Variants in GRM1 observed in about 807,000 individuals in gnomAD.
GRM1 encodes the protein glutamate metabotropic receptor 1.
A neutral mutation model predicts 90.9 loss-of-function variants in GRM1; 33 were observed. That is an observed-to-expected ratio of 0.36 (90% CI 0.28 to 0.49). The LOEUF (loss-of-function observed/expected upper bound fraction) is 0.49. GRM1 is among the 20% of genes least tolerant of loss of function. The pLI, the probability that GRM1 is intolerant of heterozygous loss-of-function variation, is 0.99. For missense variants in GRM1, 1,190 were observed against 1,534.3 expected, an observed-to-expected ratio of 0.78 and a Z score of 3.75; for synonymous variants, 700 against 613.2, an observed-to-expected ratio of 1.14 and a Z score of -2.09.
chr6:146,202,267 T>C (rs145209413), intron 2 of GRM1, among the ~76,000 whole-genome samples: 146 of 152,334 alleles, frequency 9.6e-4, no homozygotes, highest in African/African-American at 3.4e-3. Context: ...TTCCCATAAA[T>C]GTATTAGTAA....
At chr6:146,115,231 C>T (rs1775697444) in intron 1 of GRM1, among the ~76,000 whole-genome samples, 1 of 151,784 alleles carries the variant, frequency 6.6e-6, no homozygotes. Flanking sequence ...TACACACACA[C>T]ACACACACAC....
At chr6:146,199,994 G>A (rs534072833) in intron 2 of GRM1, among the ~76,000 whole-genome samples, 1 of 152,284 alleles carries the variant, frequency 6.6e-6, no homozygotes, top group East Asian at 1.9e-4. Flanking sequence ...AGGGAAGAGT[G>A]TACTACATCA....
chr6:146,303,533 T>C (rs1783468787), intron 2 of GRM1, among the ~76,000 whole-genome samples: 2 of 152,220 alleles, frequency 1.3e-5, no homozygotes, highest in Non-Finnish European at 1.5e-5. Flanking sequence ...GAAGTTTTAC[T>C]GAATGACAAG....
At chr6:146,140,952 C>T (rs1776857725) in intron 1 of GRM1, among the ~76,000 whole-genome samples, 1 of 152,088 alleles carries the variant, frequency 6.6e-6, no homozygotes, top group African/African-American at 2.4e-5. Context: ...TTTCTGTGTA[C>T]CTACTAGTAC....
At chr6:146,239,338 A>G (rs1215703347) in intron 2 of GRM1, among the ~76,000 whole-genome samples, 1 of 152,170 alleles carries the variant, frequency 6.6e-6, no homozygotes, top group African/African-American at 2.4e-5. Context: ...AGGTCATGGC[A>G]TTACTATTCT....
intron 3 of GRM1, among the ~76,000 whole-genome samples, chr6:146,318,804 T>C (rs1334842438): frequency 6.6e-6 from 1 of 152,222 alleles, no homozygotes; most frequent in Non-Finnish European, 1.5e-5. Context: ...TGTCTTCTTT[T>C]GAGAAGTGTC....
chr6:146,384,722 G>T lies in GRM1; in HGVS notation c.1603-2168G>T, dbSNP rs1029062379. 6.6e-5 allele frequency among the ~76,000 whole-genome samples: 10 copies of T among 152,020 alleles called. No individual in the cohort carries two copies. The South Asian group carries it at 2.1e-3, about 32-fold the overall frequency. On this transcript the variant is annotated intron_variant, in intron 5 of 7. Coordinates refer to ENST00000282753, the MANE Select transcript of GRM1 (RefSeq NM_001278064.2). ...TTGATGTTAAAATTAGCAGTCAAGG[G>T]CGTTAAAACACAAGGATAAATACGT...
At chr6:146,183,841 A>G (rs988504254) in intron 2 of GRM1, among the ~76,000 whole-genome samples, 1 of 152,210 alleles carries the variant, frequency 6.6e-6, no homozygotes, top group Non-Finnish European at 1.5e-5. Flanking sequence ...TATCTCTTGC[A>G]TATGGCATAA....
At chr6:146,412,226 T>A (rs1419441833) in intron 7 of GRM1, among the ~76,000 whole-genome samples, 1 of 152,202 alleles carries the variant, frequency 6.6e-6, no homozygotes, top group Non-Finnish European at 1.5e-5. Flanking sequence ...TCTTACTTCA[T>A]GAACTGTTTA....
chr6:146,062,155 A>G (rs1775693653), intron 1 of GRM1, among the ~76,000 whole-genome samples: 1 of 152,184 alleles, frequency 6.6e-6, no homozygotes, highest in Non-Finnish European at 1.5e-5. Context: ...AGGGAATACT[A>G]TGCAGCCACA....
chr6:146,388,798 G>A (rs952645495), intron 6 of GRM1, among the ~76,000 whole-genome samples: 23 of 152,048 alleles, frequency 1.5e-4, no homozygotes, highest in Admixed American at 1.4e-3. Flanking sequence ...ACTCTCTGGC[G>A]CATAGCCTGA....
chr6:146,111,889 T>G (rs1233011783), intron 1 of GRM1, among the ~76,000 whole-genome samples: 1 of 152,204 alleles, frequency 6.6e-6, no homozygotes, highest in African/African-American at 2.4e-5. Flanking sequence ...ACTTTAACTG[T>G]TTAACATATT....
intron 3 of GRM1, among the ~76,000 whole-genome samples, chr6:146,328,432 T>C (rs947662780): frequency 2.0e-5 from 3 of 152,206 alleles, no homozygotes; most frequent in Admixed American, 2.0e-4. Context: ...CCTTGGTATG[T>C]GTGGCTTTGG....
At position 146,436,832 on chromosome 6, in the gene GRM1, A is replaced by T. The variant is rs1347242006; in HGVS notation, c.*2036A>T. ...TATTGAAGCTGCTGATTTCTCAGCC[A>T]AAAATCATCTTAGAATCTTTAAATA... is the stretch of plus-strand genomic sequence containing the variant. On this transcript the variant is annotated 3_prime_UTR_variant, in exon 8 of 8. Transcript: ENST00000282753. 1 of 152,630 alleles carries T rather than the reference A, an allele frequency of 6.6e-6. No individual in the cohort carries two copies. Among genetic ancestry groups the T allele is most frequent in the Admixed American group, 6.5e-5 (1 of 15,288 alleles). 9.5% of individuals were successfully genotyped at this position (152,630 alleles called of 1,614,324 possible).
chr6:146,273,010 G>A (rs1051269957), intron 2 of GRM1, among the ~76,000 whole-genome samples: 22 of 152,152 alleles, frequency 1.4e-4, no homozygotes, highest in African/African-American at 4.1e-4. Flanking sequence ...GCAAAAGACA[G>A]GTCTTTCTTC....
intron 7 of GRM1, among the ~76,000 whole-genome samples, chr6:146,417,257 T>C (rs985235283): frequency 6.6e-6 from 1 of 152,218 alleles, no homozygotes; most frequent in African/African-American, 2.4e-5. Flanking sequence ...CTGTGACAGC[T>C]TCTCAATATC....
At chr6:146,189,557 A>G (rs910314872) in intron 2 of GRM1, among the ~76,000 whole-genome samples, 1 of 152,220 alleles carries the variant, frequency 6.6e-6, no homozygotes, top group African/African-American at 2.4e-5. Context: ...CATTATCATT[A>G]TGCTTCACAT....
At position 146,270,961 on chromosome 6, in the gene GRM1, C is replaced by T. The variant is rs148161570; in HGVS notation, c.951-33650C>T. 3.4e-4 allele frequency among the ~76,000 whole-genome samples: 45 copies of T among 131,276 alleles called. No individual in the cohort carries two copies. In the East Asian group the frequency reaches 7.9e-3, roughly 23 times the overall value. 86.1% of individuals were successfully genotyped at this position (131,276 alleles called of 152,430 possible). A position where few individuals can be genotyped will look rare whatever the true frequency, so the allele number is the denominator to read the frequency against. On this transcript the variant is annotated intron_variant, in intron 2 of 7. Transcript: ENST00000282753. The stretch of plus-strand genomic sequence containing the variant: ...CCTTCCTTCCTTCCTTCCTTTCTTT[C>T]TTTCTTTTTTTTTTCTCTCTCTCTC...
intron 2 of GRM1, among the ~76,000 whole-genome samples, chr6:146,287,237 T>C (rs1415658221): frequency 1.3e-5 from 2 of 152,224 alleles, no homozygotes; most frequent in Non-Finnish European, 2.9e-5. Flanking sequence ...GGAGTTGTGA[T>C]GAAATCAGTC....
Sources: gnomAD v4.1 joint callset for allele counts (sites outside exome capture counted in the v4.1 genomes callset) on GRCh38, gnomAD v4.1.1 for gene constraint, MANE v1.5 for transcripts, NCBI Gene and HGNC (gene_info 2026-07-23, HGNC 2026-07-21) for gene names.